Variants in DMD observed in about 807,000 individuals in gnomAD.
DMD encodes mutant dystrophin.
In DMD, 63 loss-of-function variants were observed where a neutral mutation model predicts 330.1. The observed-to-expected ratio is 0.19, with a 90% CI of 0.16 to 0.24. The LOEUF (loss-of-function observed/expected upper bound fraction) is 0.24. DMD is among the 10% of genes least tolerant of loss of function. DMD has a pLI of 1.00. For synonymous variants in DMD, 1,223 were observed against 959.8 expected (o/e 1.27, Z -5.07); for missense variants, 3,344 against 2,684.1 (o/e 1.25, Z -5.43).
chrX:31,390,631 T>G (rs769192386), intron 60 of DMD, among the ~76,000 whole-genome samples: 2 of 111,359 alleles, frequency 1.8e-5, no homozygotes, highest in South Asian at 7.8e-4. Flanking sequence ...GTCATACAGA[T>G]TTTGTCTCGA....
At chrX:32,862,898 G>A (rs989578410) in intron 2 of DMD, among the ~76,000 whole-genome samples, 1 of 110,247 alleles carries the variant, frequency 9.1e-6, no homozygotes, top group African/African-American at 3.3e-5. Context: ...CACTACGCTT[G>A]GCTAATTTTT....
intron 2 of DMD, among the ~76,000 whole-genome samples, chrX:32,900,408 C>G (rs2086131552): frequency 9.0e-6 from 1 of 111,675 alleles, no homozygotes; most frequent in Non-Finnish European, 1.9e-5. Context: ...GTGGCACTAT[C>G]ATAGCTCTCA....
At chrX:31,874,780 A>G (rs2093943877) in intron 48 of DMD, among the ~76,000 whole-genome samples, 1 of 110,610 alleles carries the variant, frequency 9.0e-6, no homozygotes, top group African/African-American at 3.3e-5. Flanking sequence ...TTGGTACCTG[A>G]TCACCCTCAG....
At chrX:31,199,542 G>T (rs2043232249) in intron 67 of DMD, among the ~76,000 whole-genome samples, 1 of 112,050 alleles carries the variant, frequency 8.9e-6, no homozygotes, top group South Asian at 3.8e-4. Context: ...GACCTGATAG[G>T]TGATTTCCTT....
chrX:31,601,103 T>C (rs1260888360), intron 55 of DMD, among the ~76,000 whole-genome samples: 1 of 111,977 alleles, frequency 8.9e-6, no homozygotes, highest in African/African-American at 3.3e-5. Flanking sequence ...GTTATTGCGG[T>C]ACTATGTTAA....
intron 50 of DMD, among the ~76,000 whole-genome samples, chrX:31,805,082 A>G (rs2092244727): frequency 9.0e-6 from 1 of 111,665 alleles, no homozygotes; most frequent in Non-Finnish European, 1.9e-5. Flanking sequence ...TATTTGTCAG[A>G]TTAGTATATT....
At chrX:31,510,717 G>A (rs973829930) in intron 55 of DMD, among the ~76,000 whole-genome samples, 4 of 109,576 alleles carry the variant, frequency 3.7e-5, no homozygotes, top group African/African-American at 1.3e-4. Flanking sequence ...CACCATGTTA[G>A]CCAGGATGGT....
intron 45 of DMD, among the ~76,000 whole-genome samples, chrX:31,962,263 C>T (rs916800826): frequency 2.7e-5 from 3 of 111,554 alleles, no homozygotes; most frequent in Non-Finnish European, 3.8e-5. Context: ...CCACCCTAAC[C>T]GTCATCATCA....
At chrX:33,259,868 A>T (rs1037943503) in intron 1 of DMD, among the ~76,000 whole-genome samples, 1 of 109,743 alleles carries the variant, frequency 9.1e-6, no homozygotes, top group Non-Finnish European at 1.9e-5. Flanking sequence ...CAGTTCCCCC[A>T]TATTTGTTGG....
At chrX:32,876,183 C>A (rs748803898) in intron 2 of DMD, among the ~76,000 whole-genome samples, 1 of 111,664 alleles carries the variant, frequency 9.0e-6, no homozygotes, top group Non-Finnish European at 1.9e-5. Flanking sequence ...ATACCACCAT[C>A]CTCTCAATTT....
At chrX:32,790,358 T>C (rs915477881) in intron 7 of DMD, among the ~76,000 whole-genome samples, 1 of 111,481 alleles carries the variant, frequency 9.0e-6, no homozygotes, top group South Asian at 3.8e-4. Flanking sequence ...TTGTACAAGA[T>C]TCCTACAATC....
chrX:32,769,177 G>C (rs1442057784), intron 7 of DMD, among the ~76,000 whole-genome samples: 1 of 112,555 alleles, frequency 8.9e-6, no homozygotes, highest in Middle Eastern at 4.2e-3. Context: ...TACCTGCCGA[G>C]ACTGGACGAT....
chrX:31,416,260 A>G (rs16989616), intron 60 of DMD, among the ~76,000 whole-genome samples: 2,240 of 112,170 alleles, frequency 0.02, 25 homozygotes, highest in African/African-American at 0.047. Context: ...AGGATTTTGT[A>G]ATGCATGTAA....
intron 49 of DMD, among the ~76,000 whole-genome samples, chrX:31,834,745 G>C (rs1187157939): frequency 3.6e-5 from 4 of 111,407 alleles, no homozygotes; most frequent in African/African-American, 1.3e-4. Flanking sequence ...CAGCCAACTT[G>C]ATATGTTGAT....
chrX:32,527,590 T>TA (rs201697791), intron 17 of DMD, among the ~76,000 whole-genome samples: 65 of 109,184 alleles, frequency 6.0e-4, no homozygotes, highest in East Asian at 1.4e-3. Context: ...GCATTTGCTT[T>TA]AAAAAAAAAT....
chrX:31,936,774 G>A (rs1230940559), intron 45 of DMD, among the ~76,000 whole-genome samples: 2 of 110,493 alleles, frequency 1.8e-5, no homozygotes, highest in South Asian at 7.6e-4. Flanking sequence ...TCTTTCATTT[G>A]TTAAAAAAGA....
chrX:32,189,627 ATTTT>A (rs34255436), intron 44 of DMD, among the ~76,000 whole-genome samples: 85 of 104,868 alleles, frequency 8.1e-4, no homozygotes, highest in African/African-American at 2.5e-3. Flanking sequence ...TACTTCTAGG[ATTTT>A]TTTTTTTTTC....
chrX:31,283,811 T>C (rs996859887), intron 62 of DMD, among the ~76,000 whole-genome samples: 1 of 111,716 alleles, frequency 9.0e-6, no homozygotes, highest in Non-Finnish European at 1.9e-5. Context: ...TGGCAAGCCA[T>C]GGGATGAACA....
chrX:32,538,157 CT>C (rs2048163772), intron 17 of DMD, among the ~76,000 whole-genome samples: 1 of 112,339 alleles, frequency 8.9e-6, no homozygotes, highest in Non-Finnish European at 1.9e-5. Context: ...TAGATGGCCC[CT>C]GTCAGGCCTC....
Sources: allele counts gnomAD v4.1 joint callset (sites outside exome capture counted in the v4.1 genomes callset), GRCh38; gene constraint gnomAD v4.1.1; transcripts MANE v1.5; gene names NCBI Gene and HGNC (gene_info 2026-07-23, HGNC 2026-07-21).